The following SYNE2 variants were observed in gnomAD, a reference collection of about 807,000 sequenced individuals.
SYNE2 encodes the protein spectrin repeat containing nuclear envelope protein 2.
Under a neutral mutation model 856.3 loss-of-function variants are expected in SYNE2, and 431 were observed. The observed-to-expected ratio is 0.50, with a 90% CI of 0.47 to 0.55. The LOEUF (loss-of-function observed/expected upper bound fraction) is 0.55. Ranked by LOEUF, SYNE2 falls within the 20% of genes least tolerant of loss-of-function variation. SYNE2 has a pLI of 0.00. For missense variants in SYNE2, 8,129 were observed against 8,023.2 expected (o/e 1.01, Z -0.50); for synonymous variants, 2,923 against 2,872.3 (o/e 1.02, Z -0.56).
At chr14:64,144,425 T>G (rs768968264) in intron 83 of SYNE2, among the ~76,000 whole-genome samples, 73 of 152,314 alleles carry the variant, frequency 4.8e-4, no homozygotes, top group Middle Eastern at 3.4e-3. Context: ...TGATGATAAT[T>G]GGTGTGTTTA....
intron 20 of SYNE2, 59 bp from the exon 21 acceptor site, chr14:63,990,883 C>G (rs2096661543): frequency 1.4e-6 from 2 of 1,412,192 alleles, no homozygotes; most frequent in Non-Finnish European, 1.0e-6. Context: ...TATTTGTTAA[C>G]TTAAGAATTT....
intron 23 of SYNE2, among the ~76,000 whole-genome samples, chr14:63,995,812 G>A (rs8018843): frequency 0.029 from 4,473 of 151,670 alleles, 229 homozygotes; most frequent in African/African-American, 0.1. Flanking sequence ...AATATATAGC[G>A]ATATATAATT....
At chr14:63,966,705 T>C (rs1301894145) in intron 10 of SYNE2, among the ~76,000 whole-genome samples, 1 of 151,152 alleles carries the variant, frequency 6.6e-6, no homozygotes, top group African/African-American at 2.4e-5. Context: ...ACTACAGGTG[T>C]GTGTCACCAT....
chr14:64,082,332 A>C (rs1234131031), intron 57 of SYNE2, among the ~76,000 whole-genome samples: 1 of 152,136 alleles, frequency 6.6e-6, no homozygotes, highest in Non-Finnish European at 1.5e-5. Flanking sequence ...CTAATATGGG[A>C]TTTTGGGATT....
chr14:63,993,860 A>C lies in SYNE2; in HGVS notation c.2672A>C (p.Lys891Thr). The C allele has an allele frequency of 2.5e-6, 4 of 1,610,210 alleles. No homozygotes were observed. The highest frequency in any genetic ancestry group is 2.2e-5 in the East Asian group (1 of 44,858). Residue 891 changes from lysine (K) to threonine (T), a missense_variant, in exon 22 of 116, where the codon AAA becomes ACA. By Grantham distance (78) the Lys-to-Thr change is moderately conservative (BLOSUM62 -1). Around this residue, in one of 3 missense-constraint regions of SYNE2, gnomAD observed 2,422 missense variants for 2,357.4 expected, o/e 1.03. Coordinates refer to ENST00000555002, the MANE Select transcript of SYNE2 (RefSeq NM_182914.3). Reference sequence around the variant, plus strand: ...GAAGCACTAATAATTTCTAATACAAAAAGTCTGGCCAAGTATTTGAAAGCT... The same window carrying C: ...GAAGCACTAATAATTTCTAATACAACAAGTCTGGCCAAGTATTTGAAAGCT... ...HKEALIISNT[K>T]SLAKYLKAVE...
At chr14:63,872,686 C>T (rs1054779772) in intron 1 of SYNE2, among the ~76,000 whole-genome samples, 1 of 140,588 alleles carries the variant, frequency 7.1e-6, no homozygotes, top group African/African-American at 2.6e-5. Flanking sequence ...CGCTTGAAAC[C>T]GGGAGGCAGA....
rs2097902358 is a variant in SYNE2 at position 64,122,018 on chromosome 14, G to A, written c.13165G>A (p.Glu4389Lys). ...QKDFQQQQVL[E>K]LKPMEQKDFI... ...GAATCTCATTCAATTACAGGTTCTG[G>A]AGTTAAAACCAATGGAACAGAAAGA... Residue 4389 changes from glutamate to lysine, a missense_variant, in exon 69 of 116, where the codon GAG (glutamate) becomes AAG (lysine). Coordinates refer to ENST00000555002, the MANE Select transcript of SYNE2 (RefSeq NM_182914.3). The A allele has an allele frequency of 1.2e-6, 2 of 1,613,522 alleles. No homozygotes were observed. The highest frequency in any genetic ancestry group is 1.7e-6 in the Non-Finnish European group (2 of 1,179,982).
At chr14:64,084,890 G>T in intron 57 of SYNE2, 1 of 697,890 alleles carries the variant, frequency 1.4e-6, no homozygotes, top group South Asian at 1.5e-5. Context: ...ACTTGTGTGA[G>T]GGAGGAGGTG....
chr14:64,183,037 G>T (rs1443486005), intron 96 of SYNE2, among the ~76,000 whole-genome samples: 1 of 150,960 alleles, frequency 6.6e-6, no homozygotes, highest in Non-Finnish European at 1.5e-5. Flanking sequence ...CTCCCTCCCG[G>T]ACGGGGCGGC....
At chr14:64,078,170 T>G (rs1354115410) in intron 54 of SYNE2, among the ~76,000 whole-genome samples, 1 of 152,186 alleles carries the variant, frequency 6.6e-6, no homozygotes, top group Non-Finnish European at 1.5e-5. Context: ...ACTCAGTAAT[T>G]TTGCCCAACA....
intron 1 of SYNE2, among the ~76,000 whole-genome samples, chr14:63,813,203 C>T (rs1194434231): frequency 6.6e-6 from 1 of 152,142 alleles, no homozygotes. Flanking sequence ...CTTATGTAAA[C>T]AATCAAGCAA....
intron 45 of SYNE2, among the ~76,000 whole-genome samples, chr14:64,037,538 C>T (rs1364016293): frequency 2.0e-5 from 3 of 151,006 alleles, no homozygotes; most frequent in Non-Finnish European, 4.4e-5. Context: ...CTTCTTTCTA[C>T]ACAGACACGG....
intron 30 of SYNE2, among the ~76,000 whole-genome samples, chr14:64,004,087 C>T (rs981074024): frequency 6.6e-6 from 1 of 151,880 alleles, no homozygotes; most frequent in Non-Finnish European, 1.5e-5. Flanking sequence ...TTCAGTGGTG[C>T]GATCTTGGCT....
In SYNE2 at chr14:63,942,131, C is replaced by G; in HGVS notation, c.396C>G (p.Ile132Met). 1.3e-6 allele frequency: 2 copies of G among 1,590,080 alleles called. No individual in the cohort carries two copies. The highest frequency in any genetic ancestry group is 1.7e-6 in the Non-Finnish European group (2 of 1,159,522). ...TCCTTGGCCTAATTTGGACAATTAT[C>G]CTGCACTTTCATGTAAGTAGTTTGA... ...SIILGLIWTI[I>M]LHFHIEKLAQ... Residue 132 changes from isoleucine to methionine, a missense_variant, in exon 6 of 116, where the codon ATC becomes ATG. Around this residue, in one of 3 missense-constraint regions of SYNE2, gnomAD observed 2,422 missense variants for 2,357.4 expected, o/e 1.03. Coordinates refer to ENST00000555002, the MANE Select transcript of SYNE2 (RefSeq NM_182914.3).
intron 49 of SYNE2, among the ~76,000 whole-genome samples, chr14:64,061,437 C>A (rs964885188): frequency 6.6e-6 from 1 of 152,196 alleles, no homozygotes; most frequent in Non-Finnish European, 1.5e-5. Flanking sequence ...GTACATCTTA[C>A]ATTTTTAATG....
intron 1 of SYNE2, among the ~76,000 whole-genome samples, chr14:63,895,109 C>CT (rs112926329): frequency 7.2e-4 from 102 of 142,226 alleles, no homozygotes; most frequent in African/African-American, 8.5e-4. Context: ...ATTTTCTTTT[C>CT]TTTTTTTTTT....
Position 64,080,482 on chromosome 14 carries a change from G to A in SYNE2, c.11190G>A (p.Trp3730Ter). 3 of 1,614,160 alleles carry A rather than the reference G, an allele frequency of 1.9e-6. No homozygotes were observed. The highest frequency in any genetic ancestry group is 2.5e-6 in the Non-Finnish European group (3 of 1,180,024). ...QKKMWDELDL[W>*]HSKLNELDSE... ...AAATGTGGGACGAGTTAGATCTATG[G>A]CATTCCAAACTAAATGAGCTGGATT... is the stretch of plus-strand genomic sequence containing the variant. The change falls in exon 56 of 116, where the codon TGG becomes TGA. Residue 3730 changes from tryptophan to a stop codon, truncating the protein, a stop_gained. Coordinates refer to ENST00000555002, the MANE Select transcript of SYNE2 (RefSeq NM_182914.3). LOFTEE classifies it high-confidence loss of function.
chr14:63,897,652 G>A (rs2095274392), intron 1 of SYNE2, among the ~76,000 whole-genome samples: 1 of 152,206 alleles, frequency 6.6e-6, no homozygotes. Flanking sequence ...TTCATTCGCA[G>A]CCGGTGCTGT....
At chr14:63,892,493 A>G (rs1339840374) in intron 1 of SYNE2, among the ~76,000 whole-genome samples, 1 of 151,834 alleles carries the variant, frequency 6.6e-6, no homozygotes, top group Non-Finnish European at 1.5e-5. Flanking sequence ...ACATCCAGGA[A>G]GATATTTGAA....
Sources: allele counts gnomAD v4.1 joint callset (sites outside exome capture counted in the v4.1 genomes callset), GRCh38; gene constraint gnomAD v4.1.1; regional missense constraint gnomAD v4.1.1; transcripts MANE v1.5; gene names NCBI Gene and HGNC (gene_info 2026-07-23, HGNC 2026-07-21).